GALNT11: variants seen among roughly 807,000 people sequenced by gnomAD.
The protein encoded by GALNT11 is polypeptide N-acetylgalactosaminyltransferase 11, also known as UDP-GalNAc:polypeptide N-acetylgalactosaminyltransferase 11.
A neutral mutation model predicts 72.7 loss-of-function variants in GALNT11; 47 were observed. The ratio of observed to expected loss-of-function variants is 0.65; its 90% CI spans 0.51 to 0.82. The LOEUF (loss-of-function observed/expected upper bound fraction) is 0.82, where lower values mean the gene tolerates loss of function less well. Among genes scored for constraint, GALNT11 ranks in the 40% least tolerant of loss-of-function variants. The pLI is 0.00. For synonymous variants in GALNT11, 270 were observed against 286.6 expected, an observed-to-expected ratio of 0.94 and a Z score of 0.58; for missense variants, 677 against 778.4, an observed-to-expected ratio of 0.87 and a Z score of 1.55.
chr7:152,120,447 T>C (rs1158668320), intron 10 of GALNT11: 1 of 196,014 alleles, frequency 5.1e-6, no homozygotes, highest in East Asian at 1.7e-4. Flanking sequence ...CGATGAGGCA[T>C]CGACGAAAAT....
chr7:152,083,881 T>G (rs915000750), intron 1 of GALNT11, among the ~76,000 whole-genome samples: 3 of 152,214 alleles, frequency 2.0e-5, no homozygotes, highest in African/African-American at 7.2e-5. Context: ...TTGGAGCTTC[T>G]TATTGTTTTC....
chr7:152,058,330 TTTTTG>T (rs142361956), intron 1 of GALNT11, among the ~76,000 whole-genome samples: 4,238 of 151,966 alleles, frequency 0.028, 186 homozygotes, highest in African/African-American at 0.096. Flanking sequence ...TGGCAAGTTC[TTTTTG>T]TTTTGTTTTG....
At chr7:152,101,097 T>C (rs2086843987) in intron 3 of GALNT11, among the ~76,000 whole-genome samples, 176 bp downstream of exon 3, 1 of 152,238 alleles carries the variant, frequency 6.6e-6, no homozygotes, top group Non-Finnish European at 1.5e-5. Context: ...TGGTCTGAGA[T>C]GTACCAACAG....
At position 152,117,226 on chromosome 7, in the gene GALNT11, C is replaced by G. The variant is rs1374601853; in HGVS notation, c.1303C>G (p.Leu435Val). The stretch of plus-strand genomic sequence containing the variant: ...TGGCAATATCAGTGAGCGTGTGGAA[C>G]TGAGAAAGAAGTTGGGCTGTAAATC... Reference protein sequence around the residue: ...SYGNISERVELRKKLGCKSFK... With the variant: ...SYGNISERVEVRKKLGCKSFK... The change falls in exon 9 of 12, where the codon CTG (leucine) becomes GTG (valine). Residue 435 changes from leucine to valine, a missense_variant. Physicochemically the swap from Leu to Val is conservative, Grantham distance 32. Coordinates refer to ENST00000430044, the MANE Select transcript of GALNT11 (RefSeq NM_022087.4). 2 of 1,614,142 alleles carry G rather than the reference C, an allele frequency of 1.2e-6. No individual in the cohort carries two copies. The highest frequency in any genetic ancestry group is 1.7e-6 in the Non-Finnish European group (2 of 1,180,032).
intron 8 of GALNT11, among the ~76,000 whole-genome samples, chr7:152,114,720 C>T (rs1275733273): frequency 6.6e-6 from 1 of 152,172 alleles, no homozygotes; most frequent in African/African-American, 2.4e-5. Flanking sequence ...GTGTGAGCCA[C>T]CACGCCTGGT....
intron 2 of GALNT11, among the ~76,000 whole-genome samples, chr7:152,095,186 C>A (rs927845426): frequency 3.4e-5 from 5 of 148,528 alleles, no homozygotes; most frequent in Admixed American, 3.3e-4. Context: ...TATAAAATAG[C>A]CCTTTTTTCC....
chr7:152,040,731 A>G (rs1426570387), intron 1 of GALNT11, among the ~76,000 whole-genome samples: 2 of 152,258 alleles, frequency 1.3e-5, no homozygotes, highest in East Asian at 1.9e-4. Flanking sequence ...ATCAAATCAC[A>G]TTAATAGGCA....
Position 152,121,598 on chromosome 7 carries a change from A to C in GALNT11, c.1748A>C (p.Asp583Ala), listed in dbSNP as rs1285249080. The C allele has an allele frequency of 4.3e-6, 7 of 1,614,158 alleles. No individual in the cohort carries two copies. The highest frequency in any genetic ancestry group is 5.9e-6 in the Non-Finnish European group (7 of 1,180,024). The change falls in exon 12 of 12, where the codon GAT becomes GCT. Residue 583 changes from aspartate (D) to alanine (A), a missense_variant. Coordinates refer to ENST00000430044, the MANE Select transcript of GALNT11 (RefSeq NM_022087.4). ...GTTGGACAGTGCCTGAGAGCAGTGG[A>C]TCCCCTGGGTCAGAAGGGCTCTGTC... Reference protein sequence around the residue: ...VSVGQCLRAVDPLGQKGSVAM... With the variant: ...VSVGQCLRAVAPLGQKGSVAM...
At chr7:152,071,500 G>A (rs896121909) in intron 1 of GALNT11, among the ~76,000 whole-genome samples, 1 of 152,080 alleles carries the variant, frequency 6.6e-6, no homozygotes, top group Non-Finnish European at 1.5e-5. Flanking sequence ...TTTTCAAGGT[G>A]CCCAGATTTC....
chr7:152,033,208 G>C (rs771576656), intron 1 of GALNT11, among the ~76,000 whole-genome samples: 12 of 152,130 alleles, frequency 7.9e-5, no homozygotes, highest in Non-Finnish European at 1.5e-4. Context: ...CGGCATAGCG[G>C]ACATGGATGA....
chr7:152,027,306 C>T lies in GALNT11; in HGVS notation c.-39+1422C>T, dbSNP rs187673726. Among the ~76,000 whole-genome samples, 357 of 152,318 alleles carry T rather than the reference C, an allele frequency of 2.3e-3. 1 individual carries two copies. Among genetic ancestry groups the T allele is most frequent in the African/African-American group, 8.3e-3 (344 of 41,562 alleles). On this transcript the variant is annotated intron_variant, in intron 1 of 11. Transcript: ENST00000430044. ...TAGTAGGCATATGTATTTATAGGTA[C>T]ATGAGATATTTGATATGGCATAGAA...
rs28473773 is a variant in GALNT11 at position 152,100,738 on chromosome 7, G to C, written c.296-60G>C. On this transcript the variant is annotated intron_variant, in intron 2 of 11. Transcript: ENST00000430044. ...AGCATTTTCTTAAGATCATAATATC[G>C]TTAACAGTAACATGATACTTTCTAG... The C allele has an allele frequency of 4.6e-3, 7,242 of 1,582,090 alleles. 275 individuals carry two copies. In the African/African-American group the frequency reaches 0.081, roughly 18 times the overall value.
intron 1 of GALNT11, among the ~76,000 whole-genome samples, chr7:152,078,595 G>T (rs567282297): frequency 1.3e-5 from 2 of 152,262 alleles, no homozygotes; most frequent in South Asian, 2.1e-4. Context: ...ATAGCATAAG[G>T]TGATTCTTAA....
chr7:152,090,653 C>G lies in GALNT11; in HGVS notation c.-38-3537C>G, dbSNP rs556178145. Among the ~76,000 whole-genome samples the G allele has an allele frequency of 2.8e-5, 4 of 145,352 alleles. No individual in the cohort carries two copies. In the East Asian group the frequency reaches 8.2e-4, roughly 30 times the overall value. On this transcript the variant is annotated intron_variant, in intron 1 of 11. Coordinates refer to ENST00000430044, the MANE Select transcript of GALNT11 (RefSeq NM_022087.4). The stretch of plus-strand genomic sequence containing the variant: ...CTTTGCTCTTATTCCCCCACCCCCC[C>G]ACCCCACCCCACCCTGCATAGCTCT...
chr7:152,117,451 G>T, intron 9 of GALNT11, 76 bp downstream of exon 9: 1 of 1,378,796 alleles, frequency 7.3e-7, no homozygotes, highest in South Asian at 1.2e-5. Flanking sequence ...CATAAGCTAT[G>T]ACAGGTGACA....
rs375264113 is a variant in GALNT11 at position 152,026,266 on chromosome 7, A to G, written c.-39+382A>G. On this transcript the variant is annotated intron_variant, in intron 1 of 11. Transcript: ENST00000430044. ...TGCCCAGAAATAGAATAGTTCACAC[A>G]TACACAAAACTAGGGAGAATAGTGT... is the stretch of plus-strand genomic sequence containing the variant. Among the ~76,000 whole-genome samples the G allele has an allele frequency of 8.5e-5, 13 of 152,362 alleles. No homozygotes were observed. In the East Asian group the frequency reaches 1.5e-3, roughly 18 times the overall value.
chr7:152,096,295 A>C (rs905351636), intron 2 of GALNT11, among the ~76,000 whole-genome samples: 1 of 152,252 alleles, frequency 6.6e-6, no homozygotes, highest in African/African-American at 2.4e-5. Flanking sequence ...ATGGAATTAC[A>C]AGAGGCTCTG....
chr7:152,100,729 C>T, intron 2 of GALNT11, 69 bp from the exon 3 acceptor site: 1 of 1,559,008 alleles, frequency 6.4e-7, no homozygotes, highest in Non-Finnish European at 8.8e-7. Context: ...TTCTTAAGAT[C>T]ATAATATCGT....
chr7:152,094,037 A>G lies in GALNT11; in HGVS notation c.-38-153A>G, dbSNP rs2086211981. On this transcript the variant is annotated intron_variant, in intron 1 of 11. Transcript: ENST00000430044. This position sits in a 1 kb window ranked among gnomAD's most constrained non-coding sequence, Gnocchi z 4.3. Reference sequence around the variant, plus strand: ...TTTCATTGTTGAACCCTTTTTAAAAACTCAGTACTATCCATACATCTTCTT... The same window carrying G: ...TTTCATTGTTGAACCCTTTTTAAAAGCTCAGTACTATCCATACATCTTCTT... The G allele has an allele frequency of 1.6e-6, 1 of 611,848 alleles. No individual in the cohort carries two copies. Among genetic ancestry groups the G allele is most frequent in the Non-Finnish European group, 2.7e-6 (1 of 377,034 alleles). The allele number at this position is 611,848 out of a possible 1,614,324, so 37.9% of individuals were successfully genotyped here.
Sources: gnomAD v4.1 joint callset for allele counts (sites outside exome capture counted in the v4.1 genomes callset) on GRCh38, gnomAD v4.1.1 for gene constraint, Gnocchi (gnomAD v3.1) non-coding constraint, MANE v1.5 for transcripts, NCBI Gene and HGNC (gene_info 2026-07-23, HGNC 2026-07-21) for gene names.